PTPRK: variants seen among roughly 807,000 people sequenced by gnomAD.
The protein encoded by PTPRK is protein tyrosine phosphatase receptor type K, also known as receptor-type tyrosine-protein phosphatase kappa.
PTPRK carries 75 observed loss-of-function variants against 178.0 expected under a neutral mutation model. The observed-to-expected ratio is 0.42, with a 90% CI of 0.35 to 0.51. The LOEUF (loss-of-function observed/expected upper bound fraction) is 0.51, where lower values mean the gene tolerates loss of function less well. Ranked by LOEUF, PTPRK falls within the 20% of genes least tolerant of loss-of-function variation. The probability of loss-of-function intolerance (pLI) is 0.02; values close to 1 mark genes in which losing one functional copy is unlikely to be tolerated. For synonymous variants in PTPRK, 637 were observed against 620.6 expected (o/e 1.03, Z -0.39); for missense variants, 1,441 against 1,797.8 (o/e 0.80, Z 3.59).
intron 1 of PTPRK, among the ~76,000 whole-genome samples, chr6:128,480,729 A>T (rs1851970550): frequency 6.6e-6 from 1 of 152,176 alleles, no homozygotes; most frequent in African/African-American, 2.4e-5. Context: ...ATTGGACGTG[A>T]AGCCAAGGCT....
intron 3 of PTPRK, among the ~76,000 whole-genome samples, chr6:128,247,192 G>A (rs1017491369): frequency 1.3e-5 from 2 of 152,040 alleles, no homozygotes; most frequent in African/African-American, 4.8e-5. Flanking sequence ...ATTAATATAT[G>A]CAATATGTAA....
chr6:128,502,957 G>A (rs1009580029), intron 1 of PTPRK, among the ~76,000 whole-genome samples: 1 of 152,168 alleles, frequency 6.6e-6, no homozygotes, highest in Non-Finnish European at 1.5e-5. Flanking sequence ...GCCAGGCATG[G>A]TGGCTCACAT....
intron 13 of PTPRK, among the ~76,000 whole-genome samples, chr6:128,053,087 T>G (rs1779299365): frequency 6.6e-6 from 1 of 151,826 alleles, no homozygotes; most frequent in Non-Finnish European, 1.5e-5. Flanking sequence ...ATCTGGATAT[T>G]AGGCATATTT....
chr6:128,361,955 T>C (rs1834822307), intron 2 of PTPRK, among the ~76,000 whole-genome samples: 1 of 152,146 alleles, frequency 6.6e-6, no homozygotes, highest in Non-Finnish European at 1.5e-5. Context: ...TAACAGAGTA[T>C]GATACAAACC....
intron 2 of PTPRK, among the ~76,000 whole-genome samples, chr6:128,323,195 A>T (rs1829070222): frequency 6.6e-6 from 1 of 152,134 alleles, no homozygotes; most frequent in Non-Finnish European, 1.5e-5. Context: ...TCCATTGCAG[A>T]CAAAGGCCAC....
chr6:128,455,630 C>A (rs1848294494), intron 1 of PTPRK, among the ~76,000 whole-genome samples: 1 of 152,124 alleles, frequency 6.6e-6, no homozygotes, highest in African/African-American at 2.4e-5. Context: ...AGTTAGTGCC[C>A]ATTTCTCTAC....
intron 7 of PTPRK, among the ~76,000 whole-genome samples, chr6:128,182,915 A>T (rs576527512): frequency 8.5e-5 from 13 of 152,306 alleles, no homozygotes; most frequent in Admixed American, 2.0e-4. Flanking sequence ...TGACGAAAAT[A>T]AAAAAATAAA....
intron 1 of PTPRK, among the ~76,000 whole-genome samples, chr6:128,510,018 C>G (rs915790448): frequency 6.6e-6 from 1 of 152,106 alleles, no homozygotes; most frequent in Admixed American, 6.6e-5. Context: ...ACAGTCATCA[C>G]ATAAGGACAT....
chr6:128,423,498 G>C (rs1043067015), intron 1 of PTPRK, among the ~76,000 whole-genome samples: 1 of 149,492 alleles, frequency 6.7e-6, no homozygotes, highest in East Asian at 1.9e-4. Context: ...ATGTATAATA[G>C]TAAAGACTTA....
At chr6:128,193,027 A>T (rs1804117591) in intron 6 of PTPRK, among the ~76,000 whole-genome samples, 1 of 152,094 alleles carries the variant, frequency 6.6e-6, no homozygotes, top group Non-Finnish European at 1.5e-5. Flanking sequence ...AAGAATCGAC[A>T]CTTGGAGAAC....
At chr6:128,294,699 A>C (rs764013653) in intron 3 of PTPRK, among the ~76,000 whole-genome samples, 11 of 152,224 alleles carry the variant, frequency 7.2e-5, no homozygotes, top group South Asian at 4.1e-4. Flanking sequence ...ACAAAAGTTT[A>C]AGATTTACCT....
At position 128,244,172 on chromosome 6, in the gene PTPRK, T is replaced by C. The variant is rs147205695; in HGVS notation, c.496-1570A>G. 4.7e-3 allele frequency among the ~76,000 whole-genome samples: 710 copies of C among 152,280 alleles called. 4 individuals carry two copies. Among genetic ancestry groups the C allele is most frequent in the African/African-American group, 0.016 (668 of 41,554 alleles). On this transcript the variant is annotated intron_variant, in intron 3 of 29. Coordinates refer to ENST00000368226, the MANE Select transcript of PTPRK (RefSeq NM_002844.4). The stretch of plus-strand genomic sequence containing the variant: ...GAGGGAGAAAATAATGAAGTATGTT[T>C]TGAACATTTCAAATTTGATTTGCCT...
Position 128,184,488 on chromosome 6 carries a change from C to T in PTPRK, c.1106G>A (p.Gly369Asp). ...TCCTGGGAGCCCCGTTCCACCTTCA[C>T]CAGGTCTTGTAAGTAGAACTCGGAT... ...YEIRVLLTRP[G>D]EGGTGLPGPP... The change falls in exon 7 of 30, where the codon GGT becomes GAT. Residue 369 changes from glycine (G) to aspartate (D), a missense_variant. This residue lies in a region of PTPRK where 945 missense variants were observed against 1,080.6 expected (regional missense o/e 0.87). Transcript: ENST00000368226. 6.2e-7 allele frequency: 1 copy of T among 1,613,734 alleles called. No homozygotes were observed. The highest frequency in any genetic ancestry group is 8.5e-7 in the Non-Finnish European group (1 of 1,179,800).
intron 3 of PTPRK, among the ~76,000 whole-genome samples, chr6:128,263,516 C>T (rs949121812): frequency 5.3e-5 from 8 of 152,070 alleles, no homozygotes; most frequent in Non-Finnish European, 8.8e-5. Flanking sequence ...CACCATTATA[C>T]GGTATTATCT....
intron 2 of PTPRK, among the ~76,000 whole-genome samples, chr6:128,389,404 T>TG (rs1478319554): frequency 2.5e-5 from 1 of 40,622 alleles, no homozygotes; most frequent in Non-Finnish European, 1.1e-4. Context: ...TTTTTTTTTG[T>TG]TTTTTTTTGT....
chr6:128,486,190 T>G (rs1328265725), intron 1 of PTPRK, among the ~76,000 whole-genome samples: 1 of 151,700 alleles, frequency 6.6e-6, no homozygotes, highest in Non-Finnish European at 1.5e-5. Context: ...GGGTGACAGT[T>G]TTTTAGTTAG....
chr6:128,085,720 C>A (rs1445929881), intron 8 of PTPRK, among the ~76,000 whole-genome samples: 1 of 152,210 alleles, frequency 6.6e-6, no homozygotes, highest in African/African-American at 2.4e-5. Context: ...TATGCTCTTA[C>A]AGTTTTTCTG....
At chr6:128,498,642 G>C (rs1220243943) in intron 1 of PTPRK, among the ~76,000 whole-genome samples, 1 of 151,998 alleles carries the variant, frequency 6.6e-6, no homozygotes, top group Non-Finnish European at 1.5e-5. Flanking sequence ...TGAATTATAA[G>C]GTTATGCCAC....
At chr6:128,241,402 G>T in intron 4 of PTPRK, 1 of 480,104 alleles carries the variant, frequency 2.1e-6, no homozygotes, top group Non-Finnish European at 4.2e-6. Context: ...AGCAATCTGT[G>T]ATTTACCACA....
Sources: allele counts gnomAD v4.1 joint callset (sites outside exome capture counted in the v4.1 genomes callset), GRCh38; gene constraint gnomAD v4.1.1; regional missense constraint gnomAD v4.1.1; transcripts MANE v1.5; gene names NCBI Gene and HGNC (gene_info 2026-07-23, HGNC 2026-07-21).